The following ST3GAL2 variants were observed in gnomAD, a reference collection of about 807,000 sequenced individuals.
The protein encoded by ST3GAL2 is ST3 beta-galactoside alpha-2,3-sialyltransferase 2, also known as CMP-N-acetylneuraminate-beta-galactosamide-alpha-2,3-sialyltransferase 2.
In ST3GAL2, 16 loss-of-function variants were observed where a neutral mutation model predicts 37.5. That is an observed-to-expected ratio of 0.43 (90% CI 0.29 to 0.65). The LOEUF (loss-of-function observed/expected upper bound fraction) is 0.65. Among genes scored for constraint, ST3GAL2 ranks in the 30% least tolerant of loss-of-function variants. The pLI, the probability that ST3GAL2 is intolerant of heterozygous loss-of-function variation, is 0.17. For synonymous variants in ST3GAL2, 238 were observed against 202.9 expected (o/e 1.17, Z -1.47); for missense variants, 383 against 487.8 (o/e 0.79, Z 2.02).
chr16:70,384,988 A>C (rs1224058034), intron 4 of ST3GAL2, among the ~76,000 whole-genome samples: 1 of 151,372 alleles, frequency 6.6e-6, no homozygotes, highest in Admixed American at 6.6e-5. Flanking sequence ...CATGCTGGGC[A>C]ACAGAGCAAG....
intron 4 of ST3GAL2, among the ~76,000 whole-genome samples, chr16:70,387,000 T>A (rs774835622): frequency 1.3e-5 from 2 of 150,578 alleles, no homozygotes; most frequent in Non-Finnish European, 3.0e-5. Flanking sequence ...TGCCGTATAA[T>A]CCCAGCACTT....
intron 1 of ST3GAL2, among the ~76,000 whole-genome samples, chr16:70,416,524 G>A (rs570674059): frequency 1.8e-4 from 27 of 152,256 alleles, no homozygotes; most frequent in East Asian, 9.6e-4. Context: ...CTGCATATAG[G>A]AGGCATCAAT....
At chr16:70,407,343 G>A (rs1470667229) in intron 1 of ST3GAL2, among the ~76,000 whole-genome samples, 1 of 152,168 alleles carries the variant, frequency 6.6e-6, no homozygotes, top group Non-Finnish European at 1.5e-5. Context: ...GTTTCGCCAT[G>A]TTGGCTAGGC....
At chr16:70,415,387 C>CGGGGAAGGTCA (rs1555560649) in intron 1 of ST3GAL2, among the ~76,000 whole-genome samples, 3 of 152,194 alleles carry the variant, frequency 2.0e-5, no homozygotes, top group Non-Finnish European at 4.4e-5. Flanking sequence ...CCGGGCGGCA[C>CGGGGAAGGTCA]GGGGAAGGTC....
At chr16:70,415,876 A>G (rs1185377380) in intron 1 of ST3GAL2, among the ~76,000 whole-genome samples, 2 of 149,512 alleles carry the variant, frequency 1.3e-5, no homozygotes, top group East Asian at 4.0e-4. Context: ...CCCGGGTTCA[A>G]GCGATTCTCC....
intron 1 of ST3GAL2, among the ~76,000 whole-genome samples, chr16:70,409,756 G>T (rs2047623027): frequency 6.6e-6 from 1 of 151,720 alleles, no homozygotes; most frequent in Non-Finnish European, 1.5e-5. Context: ...TCCTACCTCA[G>T]GCCCCCGAGT....
At chr16:70,408,890 C>CAAAACAAA (rs2047613111) in intron 1 of ST3GAL2, among the ~76,000 whole-genome samples, 1 of 59,854 alleles carries the variant, frequency 1.7e-5, no homozygotes, top group African/African-American at 5.2e-5. Flanking sequence ...CTCAAAGAAA[C>CAAAACAAA]AAAAAAAAAA....
chr16:70,395,848 AAG>A (rs1449220321), intron 2 of ST3GAL2, among the ~76,000 whole-genome samples: 1 of 152,252 alleles, frequency 6.6e-6, no homozygotes, highest in Non-Finnish European at 1.5e-5. Context: ...AGCCCCGGCA[AAG>A]AGAGGCAACT....
At chr16:70,403,588 C>T (rs552891173) in intron 1 of ST3GAL2, among the ~76,000 whole-genome samples, 12 of 152,178 alleles carry the variant, frequency 7.9e-5, no homozygotes, top group African/African-American at 2.4e-4. Flanking sequence ...CCGAGGCGGG[C>T]GGATCATGAG....
chr16:70,396,960 T>C (rs193259749), intron 2 of ST3GAL2, among the ~76,000 whole-genome samples: 3 of 141,804 alleles, frequency 2.1e-5, no homozygotes, highest in East Asian at 2.4e-4. Flanking sequence ...TTTTCATTGC[T>C]TGTTTTTTTT....
At chr16:70,403,913 T>G (rs2151666444) in intron 1 of ST3GAL2, among the ~76,000 whole-genome samples, 1 of 152,202 alleles carries the variant, frequency 6.6e-6, no homozygotes, top group Non-Finnish European at 1.5e-5. Context: ...AAGGATCACT[T>G]GAGCCCAGGA....
chr16:70,401,214 C>T (rs946903814), intron 1 of ST3GAL2: 1 of 152,306 alleles, frequency 6.6e-6, no homozygotes, highest in Non-Finnish European at 1.5e-5. Context: ...GCAGTGGCCA[C>T]TGAAGGCGGG....
intron 1 of ST3GAL2, among the ~76,000 whole-genome samples, chr16:70,404,448 T>G (rs2047575532): frequency 6.6e-6 from 1 of 152,068 alleles, no homozygotes; most frequent in African/African-American, 2.4e-5. Flanking sequence ...GAAAAGATGC[T>G]CAACGTCATT....
chr16:70,437,503 C>A (rs1409670930), intron 1 of ST3GAL2, among the ~76,000 whole-genome samples: 23 of 143,936 alleles, frequency 1.6e-4, no homozygotes, highest in Admixed American at 1.6e-3. Context: ...CTCTGCCCCC[C>A]CCGCAAAAAA....
intron 1 of ST3GAL2, chr16:70,423,112 A>AT (rs1319681441): frequency 6.6e-6 from 1 of 152,336 alleles, no homozygotes; most frequent in Non-Finnish European, 1.5e-5. Flanking sequence ...GCATTCAGGA[A>AT]GCTGACGTCA....
At chr16:70,384,068 A>G (rs928248459) in intron 4 of ST3GAL2, among the ~76,000 whole-genome samples, 1 of 152,046 alleles carries the variant, frequency 6.6e-6, no homozygotes, top group Non-Finnish European at 1.5e-5. Flanking sequence ...CTGAGTGTCT[A>G]TGGTACTTCA....
intron 2 of ST3GAL2, 64 bp downstream of exon 2, chr16:70,398,128 G>C: frequency 1.3e-6 from 2 of 1,541,916 alleles, no homozygotes; most frequent in Non-Finnish European, 1.8e-6. Context: ...AGAAATCCAA[G>C]AGGGGGCTCT....
At chr16:70,405,746 T>C (rs1037944665) in intron 1 of ST3GAL2, among the ~76,000 whole-genome samples, 5 of 151,790 alleles carry the variant, frequency 3.3e-5, no homozygotes, top group Admixed American at 3.3e-4. Flanking sequence ...TGTTCCAAAA[T>C]TGTTTGTGGT....
chr16:70,433,434 A>AT (rs767998052), intron 1 of ST3GAL2, among the ~76,000 whole-genome samples: 2 of 151,932 alleles, frequency 1.3e-5, no homozygotes, highest in South Asian at 4.2e-4. Context: ...GTCTGGACAG[A>AT]TTTTTTGCAG....
Sources: allele counts gnomAD v4.1 joint callset (sites outside exome capture counted in the v4.1 genomes callset), GRCh38; gene constraint gnomAD v4.1.1; transcripts MANE v1.5; gene names NCBI Gene and HGNC (gene_info 2026-07-23, HGNC 2026-07-21).